Variants in CCDC85A observed in about 807,000 individuals in gnomAD.
The protein encoded by CCDC85A is coiled-coil domain containing 85A, also known as coiled-coil domain-containing protein 85A.
A neutral mutation model predicts 50.2 loss-of-function variants in CCDC85A; 38 were observed. That is an observed-to-expected ratio of 0.76 (90% CI 0.58 to 0.99). The LOEUF (loss-of-function observed/expected upper bound fraction) is 0.99, where lower values mean the gene tolerates loss of function less well. Among genes scored for constraint, CCDC85A ranks in the 50% least tolerant of loss-of-function variants. The pLI is 0.00. For missense variants in CCDC85A, 820 were observed against 742.0 expected, an observed-to-expected ratio of 1.11 and a Z score of -1.22; for synonymous variants, 366 against 301.4, an observed-to-expected ratio of 1.21 and a Z score of -2.22.
At chr2:56,365,084 C>T (rs1675724865) in intron 3 of CCDC85A, among the ~76,000 whole-genome samples, 1 of 152,168 alleles carries the variant, frequency 6.6e-6, no homozygotes, top group South Asian at 2.1e-4. Flanking sequence ...TACTCTGGGC[C>T]TCATATCCTG....
At position 56,372,417 on chromosome 2, in the gene CCDC85A, G is replaced by A. The variant is rs749742700; in HGVS notation, c.1391G>A (p.Arg464Gln). ...NMEKGWGSRA[R>Q]RVLQWWQGCR... ...GAGAAAGGCTGGGGGTCCAGAGCCC[G>A]GCGGGTCTTGCAGTGGTGGCAAGGG... The change falls in exon 4 of 6, where the codon CGG becomes CAG. Residue 464 changes from arginine to glutamine, a missense_variant. Arg to Gln is a conservative substitution (Grantham distance 43). Transcript: ENST00000407595. 27 of 1,607,536 alleles carry A rather than the reference G, an allele frequency of 1.7e-5. No individual in the cohort carries two copies. Among genetic ancestry groups the A allele is most frequent in the Non-Finnish European group, 2.2e-5 (26 of 1,176,970 alleles).
At chr2:56,375,585 A>G (rs1386042040) in intron 4 of CCDC85A, among the ~76,000 whole-genome samples, 1 of 152,178 alleles carries the variant, frequency 6.6e-6, no homozygotes, top group East Asian at 1.9e-4. Context: ...GGGGTGGGGC[A>G]TTTCAGAGAT....
At chr2:56,189,297 G>GTTTTGTTTTTTTTTTTTTTTTTT (rs1553388170) in intron 1 of CCDC85A, among the ~76,000 whole-genome samples, 1 of 121,972 alleles carries the variant, frequency 8.2e-6, no homozygotes, top group African/African-American at 3.4e-5. Context: ...TATTTTTGGT[G>GTTTTGTTTTTTTTTTTTTTTTTT]TTTTTTTTTT....
chr2:56,193,546 G>A, intron 2 of CCDC85A, 106 bp downstream of exon 2: 1 of 1,308,224 alleles, frequency 7.6e-7, no homozygotes, highest in East Asian at 2.5e-5. Flanking sequence ...GCGCTAGCTA[G>A]GGAGTGGGTT....
intron 2 of CCDC85A, among the ~76,000 whole-genome samples, chr2:56,246,210 C>T: frequency 6.6e-6 from 1 of 152,146 alleles, no homozygotes; most frequent in East Asian, 1.9e-4. Context: ...AGGAGTGAGC[C>T]ACCACGCCCG....
At chr2:56,277,382 T>G (rs956455081) in intron 2 of CCDC85A, among the ~76,000 whole-genome samples, 1 of 152,164 alleles carries the variant, frequency 6.6e-6, no homozygotes, top group Non-Finnish European at 1.5e-5. Context: ...TTTTCTTCTC[T>G]TCTTCTTTAA....
chr2:56,327,581 C>G (rs1673539573), intron 2 of CCDC85A, among the ~76,000 whole-genome samples: 1 of 152,112 alleles, frequency 6.6e-6, no homozygotes, highest in Non-Finnish European at 1.5e-5. Flanking sequence ...TAAGCTGTGA[C>G]AAATGATATC....
intron 2 of CCDC85A, among the ~76,000 whole-genome samples, chr2:56,224,476 G>A (rs1479410758): frequency 6.6e-6 from 1 of 152,118 alleles, no homozygotes. Context: ...CCTAGGAGTG[G>A]AATGTCAACA....
chr2:56,360,476 A>G (rs1391643997), intron 3 of CCDC85A, among the ~76,000 whole-genome samples: 1 of 152,250 alleles, frequency 6.6e-6, no homozygotes, highest in Non-Finnish European at 1.5e-5. Flanking sequence ...GCCTCGGGGA[A>G]CTTACTACTG....
intron 5 of CCDC85A, among the ~76,000 whole-genome samples, chr2:56,380,067 C>G (rs1013583600): frequency 4.6e-5 from 7 of 152,050 alleles, no homozygotes; most frequent in Non-Finnish European, 1.0e-4. Context: ...TCAGCCAATT[C>G]TGTATTCCAG....
At chr2:56,315,788 A>C (rs1012064749) in intron 2 of CCDC85A, among the ~76,000 whole-genome samples, 3 of 152,122 alleles carry the variant, frequency 2.0e-5, no homozygotes, top group African/African-American at 7.2e-5. Context: ...CACACAAGCA[A>C]CTCAAACCTT....
At chr2:56,336,489 G>A (rs900614675) in intron 2 of CCDC85A, among the ~76,000 whole-genome samples, 1 of 152,124 alleles carries the variant, frequency 6.6e-6, no homozygotes, top group Non-Finnish European at 1.5e-5. Context: ...TGTAGTTTGT[G>A]TCAGAATGGA....
At chr2:56,272,664 T>A (rs1670748276) in intron 2 of CCDC85A, among the ~76,000 whole-genome samples, 1 of 152,178 alleles carries the variant, frequency 6.6e-6, no homozygotes, top group Admixed American at 6.5e-5. Flanking sequence ...CACAGAAGGT[T>A]CAGCACAGGC....
chr2:56,194,781 T>A (rs929215067), intron 2 of CCDC85A, among the ~76,000 whole-genome samples: 1 of 152,182 alleles, frequency 6.6e-6, no homozygotes, highest in Non-Finnish European at 1.5e-5. Context: ...AGTTTACCTG[T>A]TGTCTTGAGG....
Position 56,189,295 on chromosome 2 carries a change from G to GTATTTTTTTTTTT in CCDC85A, c.277-3181_277-3180insATTTTTTTTTTTT, listed in dbSNP as rs773078371. 7.7e-4 allele frequency among the ~76,000 whole-genome samples: 77 copies of GTATTTTTTTTTTT among 100,430 alleles called. 7 individuals carry two copies. The highest frequency in any genetic ancestry group is 1.1e-3 in the Non-Finnish European group (54 of 50,388). The allele number at this position is 100,430 out of a possible 152,430, so 65.9% of individuals were successfully genotyped here. A position where few individuals can be genotyped will look rare whatever the true frequency, so the allele number is the denominator to read the frequency against. On this transcript the variant is annotated intron_variant, in intron 1 of 5. Coordinates refer to ENST00000407595, the MANE Select transcript of CCDC85A (RefSeq NM_001080433.2). ...GCAAAACATGCACGGGGTATTTTTG[G>GTATTTTTTTTTTT]TGTTTTTTTTTTTTTTTGAGACAAG...
intron 2 of CCDC85A, among the ~76,000 whole-genome samples, chr2:56,286,090 G>C (rs1671432316): frequency 6.9e-6 from 1 of 144,776 alleles, no homozygotes; most frequent in Non-Finnish European, 1.5e-5. Flanking sequence ...GTTGTAATTT[G>C]AATAATTATT....
At chr2:56,273,403 A>G (rs1182051089) in intron 2 of CCDC85A, among the ~76,000 whole-genome samples, 1 of 152,152 alleles carries the variant, frequency 6.6e-6, no homozygotes, top group East Asian at 1.9e-4. Flanking sequence ...ATGATGGGAA[A>G]AAAGAAAGAC....
intron 2 of CCDC85A, among the ~76,000 whole-genome samples, chr2:56,259,554 A>T (rs1670134230): frequency 2.0e-5 from 3 of 152,172 alleles, no homozygotes; most frequent in Admixed American, 2.0e-4. Flanking sequence ...TGGTCCTTGG[A>T]TGCCCATAAA....
chr2:56,198,994 T>C (rs1303482080), intron 2 of CCDC85A, among the ~76,000 whole-genome samples: 1 of 152,216 alleles, frequency 6.6e-6, no homozygotes, highest in East Asian at 1.9e-4. Context: ...TCCTGTCCTT[T>C]AGACTCAGTT....
Sources: allele counts gnomAD v4.1 joint callset (sites outside exome capture counted in the v4.1 genomes callset), GRCh38; gene constraint gnomAD v4.1.1; transcripts MANE v1.5; gene names NCBI Gene and HGNC (gene_info 2026-07-23, HGNC 2026-07-21).